Variants in TUSC3 observed in about 807,000 individuals in gnomAD.
The protein encoded by TUSC3 is tumor suppressor candidate 3.
TUSC3 carries 45 observed loss-of-function variants against 44.8 expected under a neutral mutation model. The ratio of observed to expected loss-of-function variants is 1.00; its 90% confidence interval spans 0.79 to 1.29. The LOEUF is 1.29. Among genes scored for constraint, TUSC3 ranks in the 50% most tolerant of loss-of-function variants. The probability of loss-of-function intolerance (pLI) is 0.00; values close to 1 mark genes in which losing one functional copy is unlikely to be tolerated. For synonymous variants in TUSC3, 212 were observed against 152.9 expected, an observed-to-expected ratio of 1.39 and a Z score of -2.85; for missense variants, 519 against 437.9, an observed-to-expected ratio of 1.19 and a Z score of -1.65.
chr8:15,533,254 T>C (rs1252299543), intron 2 of TUSC3, among the ~76,000 whole-genome samples: 1 of 152,214 alleles, frequency 6.6e-6, no homozygotes, highest in Non-Finnish European at 1.5e-5. Context: ...CTTCCCGGTC[T>C]TGGGTATATC....
chr8:15,570,081 A>G (rs1802815765), intron 1 of TUSC3, among the ~76,000 whole-genome samples: 2 of 152,080 alleles, frequency 1.3e-5, no homozygotes, highest in South Asian at 4.1e-4. Context: ...TTTATAAAAG[A>G]TTCCCACATT....
chr8:15,482,775 T>G (rs1800679581), intron 1 of TUSC3, among the ~76,000 whole-genome samples: 1 of 152,134 alleles, frequency 6.6e-6, no homozygotes, highest in African/African-American at 2.4e-5. Context: ...ATACAGAAAT[T>G]CCTATGAATG....
chr8:15,447,297 C>T lies in TUSC3; in HGVS notation n.91+29992C>T, dbSNP rs572726924. ...ATCTAAGGAGTTTTGAAGGGAAAAA[C>T]GTTATAACTCAATTAATTTATATGC... is the stretch of plus-strand genomic sequence containing the variant. On this transcript the variant is annotated intron_variant and non_coding_transcript_variant, in intron 1 of 5. Transcript: ENST00000503191. Among the ~76,000 whole-genome samples the T allele has an allele frequency of 4.6e-5, 7 of 152,080 alleles. 1 individual carries two copies. Among genetic ancestry groups the T allele is most frequent in the East Asian group, 1.9e-4 (1 of 5,178 alleles).
intron 1 of TUSC3, among the ~76,000 whole-genome samples, chr8:15,436,400 A>G (rs930965559): frequency 6.6e-6 from 1 of 152,178 alleles, no homozygotes; most frequent in African/African-American, 2.4e-5. Context: ...ATAGTTCTAA[A>G]TTTTAGATTC....
At chr8:15,451,998 T>G (rs1800201522) in intron 1 of TUSC3, among the ~76,000 whole-genome samples, 1 of 151,928 alleles carries the variant, frequency 6.6e-6, no homozygotes, top group African/African-American at 2.4e-5. Context: ...GCCAAAAGAG[T>G]GATGATGTCT....
intron 1 of TUSC3, among the ~76,000 whole-genome samples, chr8:15,457,849 C>G (rs917552128): frequency 2.6e-5 from 1 of 38,190 alleles, no homozygotes; most frequent in African/African-American, 7.0e-5. Flanking sequence ...GATTAATTAT[C>G]TAATAATTAT....
At chr8:15,744,524 T>G (rs1811323076) in intron 8 of TUSC3, among the ~76,000 whole-genome samples, 1 of 152,110 alleles carries the variant, frequency 6.6e-6, no homozygotes, top group African/African-American at 2.4e-5. Context: ...ATTAAGATAT[T>G]TAAAATAAAA....
chr8:15,634,996 C>A (rs1249288117), intron 2 of TUSC3, among the ~76,000 whole-genome samples: 1 of 152,104 alleles, frequency 6.6e-6, no homozygotes, highest in Non-Finnish European at 1.5e-5. Context: ...TAACTAAGAC[C>A]ATGTCAGTAA....
At chr8:15,493,576 A>G (rs1223829993) in intron 2 of TUSC3, among the ~76,000 whole-genome samples, 2 of 152,126 alleles carry the variant, frequency 1.3e-5, no homozygotes, top group Non-Finnish European at 2.9e-5. Flanking sequence ...ATATCAACTT[A>G]ATAAAAAGAA....
chr8:15,599,702 T>G (rs1175219102), intron 1 of TUSC3, among the ~76,000 whole-genome samples: 5 of 78,648 alleles, frequency 6.4e-5, no homozygotes, highest in Non-Finnish European at 1.0e-4. Flanking sequence ...TTGCTTGTGG[T>G]TTTTTTTTTT....
intron 9 of TUSC3, among the ~76,000 whole-genome samples, chr8:15,755,266 A>G (rs578240122): frequency 6.6e-6 from 1 of 152,268 alleles, no homozygotes; most frequent in Non-Finnish European, 1.5e-5. Flanking sequence ...TATGTCGTTC[A>G]ACTATTAGAA....
intron 2 of TUSC3, among the ~76,000 whole-genome samples, chr8:15,511,627 T>G (rs1206386367): frequency 6.6e-6 from 1 of 152,168 alleles, no homozygotes; most frequent in Admixed American, 6.5e-5. Flanking sequence ...TCCAGCACTT[T>G]GGGAGGCCAA....
At chr8:15,840,804 T>C in the TUSC3 span, among the ~76,000 whole-genome samples, 12 of 152,198 alleles carry the variant, frequency 7.9e-5, no homozygotes, top group African/African-American at 2.9e-4. Context: ...TCCACTTGGA[T>C]GCCAACGCCA....
chr8:15,823,253 T>C, the TUSC3 span, among the ~76,000 whole-genome samples: 2 of 152,180 alleles, frequency 1.3e-5, no homozygotes, highest in East Asian at 3.9e-4. Context: ...GTGGAGGCTC[T>C]ATCATAGTCC....
chr8:15,576,292 ATTTT>A (rs1296664535), intron 1 of TUSC3, among the ~76,000 whole-genome samples: 2 of 70,112 alleles, frequency 2.9e-5, no homozygotes, highest in African/African-American at 1.0e-4. Context: ...TTTTTTTTTT[ATTTT>A]TTTATTTTTT....
intron 2 of TUSC3, 47 bp downstream of exon 2, chr8:15,623,296 A>C: frequency 6.7e-7 from 1 of 1,490,102 alleles, no homozygotes; most frequent in Non-Finnish European, 9.0e-7. Flanking sequence ...TTCTTGGTTT[A>C]CATATATATT....
At chr8:15,779,097 TC>T in the TUSC3 span, among the ~76,000 whole-genome samples, 130 of 116,960 alleles carry the variant, frequency 1.1e-3, no homozygotes, top group Middle Eastern at 5.0e-3. Flanking sequence ...TCGAATGTTT[TC>T]TTTTTTTTTT....
At chr8:15,647,834 A>G (rs190872300) in intron 2 of TUSC3, among the ~76,000 whole-genome samples, 47 of 152,092 alleles carry the variant, frequency 3.1e-4, no homozygotes, top group Admixed American at 2.5e-3. Flanking sequence ...GAATTCTTCT[A>G]TTTGTCGGTA....
intron 2 of TUSC3, among the ~76,000 whole-genome samples, chr8:15,642,351 A>C (rs1806411356): frequency 6.6e-6 from 1 of 152,210 alleles, no homozygotes; most frequent in South Asian, 2.1e-4. Context: ...CTCTAAAAAT[A>C]GTCTATTAAA....
Sources: gnomAD v4.1 joint callset for allele counts (sites outside exome capture counted in the v4.1 genomes callset) on GRCh38, gnomAD v4.1.1 for gene constraint, MANE v1.5 for transcripts, NCBI Gene and HGNC (gene_info 2026-07-23, HGNC 2026-07-21) for gene names.